Variants in ST8SIA6 observed in about 807,000 individuals in gnomAD.
ST8SIA6 encodes the protein ST8 alpha-N-acetyl-neuraminide alpha-2,8-sialyltransferase 6.
Under a neutral mutation model 33.6 loss-of-function variants are expected in ST8SIA6, and 39 were observed. The observed-to-expected ratio is 1.16, with a 90% CI of 0.90 to 1.52. The LOEUF is 1.52. Ranked by LOEUF, ST8SIA6 falls within the 40% of genes most tolerant of loss-of-function variation. ST8SIA6 has a pLI of 0.00. For synonymous variants in ST8SIA6, 172 were observed against 167.2 expected (o/e 1.03, Z -0.22); for missense variants, 441 against 443.8 (o/e 0.99, Z 0.06).
chr10:17,395,710 C>A (rs1277309518), intron 2 of ST8SIA6, among the ~76,000 whole-genome samples: 1 of 152,028 alleles, frequency 6.6e-6, no homozygotes, highest in Non-Finnish European at 1.5e-5. Context: ...TGGAGAAACC[C>A]CATCTCTACT....
At chr10:17,354,616 C>T (rs961004896) in intron 4 of ST8SIA6, among the ~76,000 whole-genome samples, 1 of 152,104 alleles carries the variant, frequency 6.6e-6, no homozygotes, top group African/African-American at 2.4e-5. Flanking sequence ...AAATTCATAG[C>T]GGAAACTTAG....
At chr10:17,396,275 T>C (rs575242826) in intron 2 of ST8SIA6, among the ~76,000 whole-genome samples, 49 of 152,302 alleles carry the variant, frequency 3.2e-4, no homozygotes, top group African/African-American at 1.1e-3. Context: ...TGGCATCCTA[T>C]ATTCCTATAC....
At chr10:17,330,140 T>C (rs374591751) in intron 5 of ST8SIA6, among the ~76,000 whole-genome samples, 17 of 152,156 alleles carry the variant, frequency 1.1e-4, no homozygotes, top group East Asian at 9.6e-4. Flanking sequence ...TCTCCCCAGT[T>C]TAAAAAAGAA....
chr10:17,323,249 A>ACACACT, intron 6 of ST8SIA6, 92 bp from the exon 7 acceptor site: 1 of 718,270 alleles, frequency 1.4e-6, no homozygotes. Context: ...ACACACACAC[A>ACACACT]CCTATCTATA....
chr10:17,347,412 A>C (rs1214470509), intron 4 of ST8SIA6, among the ~76,000 whole-genome samples: 1 of 152,180 alleles, frequency 6.6e-6, no homozygotes, highest in Non-Finnish European at 1.5e-5. Flanking sequence ...CTTCTCTGAC[A>C]CACAGAGTAG....
chr10:17,330,000 G>A (rs946083958), intron 5 of ST8SIA6, among the ~76,000 whole-genome samples: 4 of 152,026 alleles, frequency 2.6e-5, no homozygotes, highest in Non-Finnish European at 4.4e-5. Context: ...CATGCAGAAG[G>A]GCAGAGTAAA....
chr10:17,338,868 G>A (rs946825439), intron 4 of ST8SIA6, among the ~76,000 whole-genome samples: 2 of 152,160 alleles, frequency 1.3e-5, no homozygotes, highest in African/African-American at 4.8e-5. Flanking sequence ...CATCCCCCAA[G>A]GAAAGAATTG....
intron 2 of ST8SIA6, among the ~76,000 whole-genome samples, chr10:17,428,628 G>C (rs1285691956): frequency 6.6e-6 from 1 of 151,942 alleles, no homozygotes; most frequent in African/African-American, 2.4e-5. Flanking sequence ...TAAGCAGCCG[G>C]CTAGGTAGAA....
intron 2 of ST8SIA6, among the ~76,000 whole-genome samples, chr10:17,431,457 G>T (rs922236882): frequency 6.6e-6 from 1 of 151,740 alleles, no homozygotes; most frequent in Admixed American, 6.6e-5. Context: ...CGTTTTAAGG[G>T]GGGGGAAAGG....
At chr10:17,353,355 C>T (rs1229457494) in intron 4 of ST8SIA6, among the ~76,000 whole-genome samples, 3 of 152,060 alleles carry the variant, frequency 2.0e-5, no homozygotes, top group African/African-American at 7.2e-5. Context: ...TAGTTTATAT[C>T]GTTTCACAAA....
At chr10:17,341,616 T>C (rs1848673645) in intron 4 of ST8SIA6, among the ~76,000 whole-genome samples, 1 of 151,896 alleles carries the variant, frequency 6.6e-6, no homozygotes, top group Non-Finnish European at 1.5e-5. Context: ...AGTAAGAAGC[T>C]GGGGCCAGGT....
chr10:17,348,522 C>G (rs1311946958), intron 4 of ST8SIA6, among the ~76,000 whole-genome samples: 2 of 152,160 alleles, frequency 1.3e-5, no homozygotes, highest in African/African-American at 4.8e-5. Flanking sequence ...CGTCTGTGCT[C>G]TGAGAAACTG....
intron 3 of ST8SIA6, among the ~76,000 whole-genome samples, chr10:17,378,599 G>A (rs866820678): frequency 6.6e-6 from 1 of 152,152 alleles, no homozygotes; most frequent in Middle Eastern, 3.4e-3. Context: ...AAAGATCCTC[G>A]TGTAACACCC....
intron 3 of ST8SIA6, among the ~76,000 whole-genome samples, chr10:17,372,155 A>G (rs1849756903): frequency 1.3e-5 from 2 of 152,246 alleles, no homozygotes; most frequent in Admixed American, 1.3e-4. Context: ...ATAATTAGCC[A>G]TCAGCCAGGA....
intron 4 of ST8SIA6, among the ~76,000 whole-genome samples, chr10:17,359,276 A>T (rs932876): frequency 0.17 from 25,421 of 152,148 alleles, 2,249 homozygotes; most frequent in South Asian, 0.21. Flanking sequence ...AACATACTAA[A>T]ATCTTTCTTT....
chr10:17,435,280 C>T (rs1336481500), intron 2 of ST8SIA6, among the ~76,000 whole-genome samples: 3 of 152,132 alleles, frequency 2.0e-5, no homozygotes, highest in East Asian at 1.9e-4. Context: ...CATATGTGCT[C>T]ACCTCCTTCT....
At chr10:17,413,904 C>G (rs144145363) in intron 2 of ST8SIA6, among the ~76,000 whole-genome samples, 10 of 152,246 alleles carry the variant, frequency 6.6e-5, no homozygotes, top group Admixed American at 2.0e-4. Context: ...TTTTTTATCA[C>G]TAGTTTCATA....
chr10:17,437,990 A>C (rs112497208), intron 2 of ST8SIA6, among the ~76,000 whole-genome samples: 6,205 of 151,988 alleles, frequency 0.041, 297 homozygotes, highest in African/African-American at 0.096. Flanking sequence ...CAGCCTCCTA[A>C]AGTGCTGGGA....
At chr10:17,436,285 G>T (rs893990983) in intron 2 of ST8SIA6, among the ~76,000 whole-genome samples, 1 of 152,130 alleles carries the variant, frequency 6.6e-6, no homozygotes, top group Non-Finnish European at 1.5e-5. Flanking sequence ...GGTCCCTGGG[G>T]GGGAGGTAAT....
Sources: gnomAD v4.1 joint callset for allele counts (sites outside exome capture counted in the v4.1 genomes callset) on GRCh38, gnomAD v4.1.1 for gene constraint, MANE v1.5 for transcripts, NCBI Gene and HGNC (gene_info 2026-07-23, HGNC 2026-07-21) for gene names.